The following FGF12 variants were observed in gnomAD, a reference collection of about 807,000 sequenced individuals.
The protein encoded by FGF12 is fibroblast growth factor 12B.
In FGF12, 14 loss-of-function variants were observed where a neutral mutation model predicts 23.6. That is an observed-to-expected ratio of 0.59 (90% confidence interval 0.39 to 0.93). The LOEUF is 0.93. Ranked by LOEUF, FGF12 falls within the 40% of genes least tolerant of loss-of-function variation. The pLI is 0.00. For missense variants in FGF12, 175 were observed against 217.8 expected, an observed-to-expected ratio of 0.80 and a Z score of 1.24; for synonymous variants, 62 against 77.3, an observed-to-expected ratio of 0.80 and a Z score of 1.04.
At chr3:192,207,257 T>C (rs1370436081) in intron 4 of FGF12, among the ~76,000 whole-genome samples, 3 of 152,240 alleles carry the variant, frequency 2.0e-5, no homozygotes, top group Non-Finnish European at 4.4e-5. Flanking sequence ...CCAAATGTTA[T>C]CAACCTTCAA....
chr3:192,322,087 A>G (rs953314809), intron 4 of FGF12, among the ~76,000 whole-genome samples: 3 of 152,074 alleles, frequency 2.0e-5, no homozygotes, highest in Non-Finnish European at 2.9e-5. Flanking sequence ...AAAAAAAAAC[A>G]CACAACTCTT....
chr3:192,307,811 C>T (rs1715728662), intron 4 of FGF12, among the ~76,000 whole-genome samples: 2 of 152,156 alleles, frequency 1.3e-5, no homozygotes, highest in African/African-American at 4.8e-5. Flanking sequence ...CCATTTTGGA[C>T]TACTGGATCA....
chr3:192,672,977 A>T (rs1717185008), intron 2 of FGF12: 1 of 151,044 alleles, frequency 6.6e-6, no homozygotes, highest in African/African-American at 2.4e-5. Flanking sequence ...TGCATAAGAA[A>T]GGTGCAGCTG....
At chr3:192,422,913 A>T (rs1334447581) in intron 2 of FGF12, among the ~76,000 whole-genome samples, 1 of 152,132 alleles carries the variant, frequency 6.6e-6, no homozygotes, top group East Asian at 1.9e-4. Context: ...TTTGTTCTAT[A>T]TGCAAAGAAA....
intron 5 of FGF12, among the ~76,000 whole-genome samples, chr3:192,167,927 C>T (rs1429439680): frequency 3.3e-5 from 5 of 150,760 alleles, no homozygotes; most frequent in Non-Finnish European, 1.5e-5. Flanking sequence ...CCACCACGCC[C>T]GGTTAATTTT....
At chr3:192,216,135 G>C (rs1322150116) in intron 4 of FGF12, among the ~76,000 whole-genome samples, 1 of 152,112 alleles carries the variant, frequency 6.6e-6, no homozygotes, top group Non-Finnish European at 1.5e-5. Context: ...TTGTTACAAA[G>C]ACAATGTAGT....
At chr3:192,411,317 G>C (rs1721193555) in intron 2 of FGF12, among the ~76,000 whole-genome samples, 1 of 152,212 alleles carries the variant, frequency 6.6e-6, no homozygotes, top group Admixed American at 6.5e-5. Context: ...CTGGCAGATA[G>C]AGGCTCATGG....
chr3:192,531,768 C>G (rs887406698), intron 2 of FGF12, among the ~76,000 whole-genome samples: 1 of 152,154 alleles, frequency 6.6e-6, no homozygotes, highest in Non-Finnish European at 1.5e-5. Flanking sequence ...CTACCACACG[C>G]TTGATGCTGT....
chr3:192,388,548 C>G (rs1252079977), intron 2 of FGF12, among the ~76,000 whole-genome samples: 1 of 151,722 alleles, frequency 6.6e-6, no homozygotes, highest in East Asian at 1.9e-4. Context: ...ATGTATCATG[C>G]CCTAAAAGAA....
At chr3:192,508,662 T>C (rs1176385743) in intron 2 of FGF12, among the ~76,000 whole-genome samples, 1 of 152,232 alleles carries the variant, frequency 6.6e-6, no homozygotes, top group Non-Finnish European at 1.5e-5. Context: ...AACTGAGTTG[T>C]AGAGTAATTG....
At chr3:192,544,512 T>C (rs534941482) in intron 2 of FGF12, among the ~76,000 whole-genome samples, 1 of 152,312 alleles carries the variant, frequency 6.6e-6, no homozygotes, top group East Asian at 1.9e-4. Context: ...TTTCGATATC[T>C]GGACAGTGAA....
intron 4 of FGF12, among the ~76,000 whole-genome samples, chr3:192,305,678 AAAT>A (rs2090647060): frequency 7.9e-6 from 1 of 126,330 alleles, no homozygotes; most frequent in African/African-American, 3.4e-5. Flanking sequence ...AAAAAAAAAA[AAAT>A]ATATATATAT....
chr3:192,348,070 C>G (rs980161471), intron 3 of FGF12, among the ~76,000 whole-genome samples: 6 of 152,038 alleles, frequency 3.9e-5, no homozygotes, highest in Non-Finnish European at 5.9e-5. Context: ...GGAAATGATC[C>G]CTGGTATATA....
intron 2 of FGF12, among the ~76,000 whole-genome samples, chr3:192,663,233 A>G (rs1387193812): frequency 6.6e-6 from 1 of 152,228 alleles, no homozygotes; most frequent in Non-Finnish European, 1.5e-5. Flanking sequence ...TGAAAAGAGT[A>G]CCAGATTTAG....
At chr3:192,167,752 TATATATATATATATATAAA>T (rs1332538855) in intron 5 of FGF12, among the ~76,000 whole-genome samples, 13 of 27,524 alleles carry the variant, frequency 4.7e-4, no homozygotes, top group Admixed American at 4.1e-3. Context: ...TATATATATA[TATATATATATATATATAAA>T]ATTTTTTTTT....
At chr3:192,415,168 T>C (rs1451497499) in intron 2 of FGF12, among the ~76,000 whole-genome samples, 1 of 152,126 alleles carries the variant, frequency 6.6e-6, no homozygotes, top group African/African-American at 2.4e-5. Context: ...TGATACTTGG[T>C]TATTTTCCTT....
At chr3:192,385,648 T>A (rs1031958977) in intron 2 of FGF12, among the ~76,000 whole-genome samples, 1 of 112,274 alleles carries the variant, frequency 8.9e-6, no homozygotes, top group Non-Finnish European at 1.9e-5. Flanking sequence ...GATTCACATA[T>A]AAACCATAGT....
intron 2 of FGF12, among the ~76,000 whole-genome samples, chr3:192,493,168 G>A (rs1268948929): frequency 6.6e-6 from 1 of 151,994 alleles, no homozygotes; most frequent in Non-Finnish European, 1.5e-5. Flanking sequence ...GGAGTCCAGG[G>A]TCTCAGTCTA....
At chr3:192,290,421 C>T (rs967042354) in intron 4 of FGF12, among the ~76,000 whole-genome samples, 5 of 152,114 alleles carry the variant, frequency 3.3e-5, no homozygotes, top group South Asian at 2.1e-4. Flanking sequence ...CAGATAAAGG[C>T]GTAGGAGCTT....
Sources: allele counts gnomAD v4.1 joint callset (sites outside exome capture counted in the v4.1 genomes callset), GRCh38; gene constraint gnomAD v4.1.1; transcripts MANE v1.5; gene names NCBI Gene and HGNC (gene_info 2026-07-23, HGNC 2026-07-21).